Variants in FHIT observed in about 807,000 individuals in gnomAD.
FHIT encodes bis(5'-adenosyl)-triphosphatase.
FHIT carries 19 observed loss-of-function variants against 17.9 expected under a neutral mutation model. That is an observed-to-expected ratio of 1.06 (90% confidence interval 0.74 to 1.56). FHIT has a LOEUF of 1.56. FHIT is among the 40% of genes most tolerant of loss of function. The probability of loss-of-function intolerance (pLI) is 0.00; values close to 1 mark genes in which losing one functional copy is unlikely to be tolerated. For synonymous variants in FHIT, 81 were observed against 69.7 expected (o/e 1.16, Z -0.81); for missense variants, 248 against 189.2 (o/e 1.31, Z -1.82).
chr3:60,005,217 C>T (rs1387178559), intron 7 of FHIT, among the ~76,000 whole-genome samples: 6 of 152,136 alleles, frequency 3.9e-5, no homozygotes, highest in South Asian at 4.1e-4. Context: ...TAAATAAGAA[C>T]GTGAAAATAC....
chr3:61,016,430 T>C (rs2032110177), intron 3 of FHIT, among the ~76,000 whole-genome samples: 1 of 152,226 alleles, frequency 6.6e-6, no homozygotes, highest in African/African-American at 2.4e-5. Flanking sequence ...ATGCTGGTTT[T>C]AGGATAGGCC....
At chr3:60,722,030 G>A (rs972491897) in intron 4 of FHIT, among the ~76,000 whole-genome samples, 1 of 152,150 alleles carries the variant, frequency 6.6e-6, no homozygotes, top group East Asian at 1.9e-4. Flanking sequence ...TATGAAAAGA[G>A]AAGGAAGGAA....
chr3:60,757,234 T>A (rs909328653), intron 4 of FHIT, among the ~76,000 whole-genome samples: 1 of 152,214 alleles, frequency 6.6e-6, no homozygotes, highest in African/African-American at 2.4e-5. Context: ...TTGAAAATAA[T>A]GTTCCTTTAC....
chr3:59,759,254 G>A (rs1469017662), intron 8 of FHIT, among the ~76,000 whole-genome samples: 1 of 151,994 alleles, frequency 6.6e-6, no homozygotes, highest in African/African-American at 2.4e-5. Flanking sequence ...TGAGAAGTTT[G>A]GATTTTATTT....
intron 5 of FHIT, among the ~76,000 whole-genome samples, chr3:60,530,340 G>C (rs1239771240): frequency 6.6e-6 from 1 of 152,146 alleles, no homozygotes; most frequent in African/African-American, 2.4e-5. Flanking sequence ...TGTTTCGTGG[G>C]TATGTCACCT....
chr3:61,200,768 G>C (rs946223129), intron 1 of FHIT, 103 bp from the exon 2 acceptor site: 5 of 152,438 alleles, frequency 3.3e-5, no homozygotes, highest in Non-Finnish European at 7.4e-5. Context: ...ATGGTATATG[G>C]TGCTAGCCAA....
chr3:60,337,733 C>T (rs1256851558), intron 5 of FHIT, among the ~76,000 whole-genome samples: 1 of 152,128 alleles, frequency 6.6e-6, no homozygotes, highest in Non-Finnish European at 1.5e-5. Flanking sequence ...GACAGACACA[C>T]TAAAGGCTTC....
At chr3:60,660,725 TG>T (rs1451660862) in intron 4 of FHIT, among the ~76,000 whole-genome samples, 4 of 136,052 alleles carry the variant, frequency 2.9e-5, no homozygotes, top group Non-Finnish European at 6.2e-5. Context: ...TCTTTTATTG[TG>T]CTCTTTTTTT....
intron 3 of FHIT, among the ~76,000 whole-genome samples, chr3:60,979,268 C>T (rs1001623891): frequency 1.3e-5 from 2 of 152,152 alleles, no homozygotes; most frequent in African/African-American, 2.4e-5. Flanking sequence ...AGTGTCCCTT[C>T]ATTCCCATGT....
intron 3 of FHIT, among the ~76,000 whole-genome samples, chr3:60,988,681 A>G (rs2029884255): frequency 6.6e-6 from 1 of 152,152 alleles, no homozygotes; most frequent in East Asian, 1.9e-4. Flanking sequence ...GGGAACCTGG[A>G]GGCCTGTTCA....
At chr3:60,268,477 G>C (rs11708143) in intron 5 of FHIT, among the ~76,000 whole-genome samples, 1 of 152,140 alleles carries the variant, frequency 6.6e-6, no homozygotes, top group Admixed American at 6.5e-5. Context: ...AATTGGACTA[G>C]GCAACATGAC....
intron 5 of FHIT, among the ~76,000 whole-genome samples, chr3:60,472,149 T>A (rs2734389): frequency 0.49 from 74,193 of 150,652 alleles, 20,281 homozygotes; most frequent in African/African-American, 0.72. Context: ...CTCAGTCTAC[T>A]TTTTTGTTAA....
intron 5 of FHIT, among the ~76,000 whole-genome samples, chr3:60,035,683 A>G (rs2065326427): frequency 6.6e-6 from 1 of 152,192 alleles, no homozygotes; most frequent in African/African-American, 2.4e-5. Flanking sequence ...CCATTAGCCC[A>G]AAGTCCAGGC....
intron 5 of FHIT, among the ~76,000 whole-genome samples, chr3:60,033,668 T>C (rs1701094610): frequency 6.6e-6 from 1 of 152,148 alleles, no homozygotes; most frequent in African/African-American, 2.4e-5. Context: ...AGTGGATAAA[T>C]GAAGCAAGTG....
chr3:59,797,882 A>G (rs1699842622), intron 8 of FHIT, among the ~76,000 whole-genome samples: 1 of 152,214 alleles, frequency 6.6e-6, no homozygotes, highest in African/African-American at 2.4e-5. Flanking sequence ...TAGAATTAAA[A>G]CAAATGAAAA....
chr3:60,557,302 T>C lies in FHIT; in HGVS notation c.-17-20323A>G, dbSNP rs561599158. On this transcript the variant is annotated intron_variant, in intron 4 of 9. Coordinates refer to ENST00000492590, the MANE Select transcript of FHIT (RefSeq NM_002012.4). ...CCACCTCCAACAGTGCTAAGAAAGATCTTCTGCCCACATTGCATTATGTGC... is the reference window on the plus strand; with the variant it reads ...CCACCTCCAACAGTGCTAAGAAAGACCTTCTGCCCACATTGCATTATGTGC... 5.9e-5 allele frequency among the ~76,000 whole-genome samples: 9 copies of C among 152,204 alleles called. No homozygotes were observed. In the East Asian group the frequency reaches 1.7e-3, roughly 29 times the overall value.
chr3:59,833,942 C>T (rs1171571590), intron 8 of FHIT, among the ~76,000 whole-genome samples: 1 of 152,168 alleles, frequency 6.6e-6, no homozygotes, highest in Non-Finnish European at 1.5e-5. Context: ...CTTTGCCTTC[C>T]ACCATGACTA....
rs74767233 is a variant in FHIT, at chr3:60,744,277, A to C, written c.-18+77642T>G. 1.3e-4 allele frequency among the ~76,000 whole-genome samples: 19 copies of C among 147,094 alleles called. 1 individual carries two copies. The highest frequency in any genetic ancestry group is 4.7e-4 in the Admixed American group (7 of 14,914). On this transcript the variant is annotated intron_variant, in intron 4 of 9. Coordinates refer to ENST00000492590, the MANE Select transcript of FHIT (RefSeq NM_002012.4). ...AAAAAACAAAACAAAACAAAAAAAA[A>C]AAAAAACAGAAAGAAAAGAAAAGAA... is the stretch of plus-strand genomic sequence containing the variant.
chr3:60,623,739 T>C (rs560453590), intron 4 of FHIT, among the ~76,000 whole-genome samples: 241 of 152,290 alleles, frequency 1.6e-3, no homozygotes, highest in Middle Eastern at 6.8e-3. Context: ...AGTAAAACTA[T>C]GGGAAGAGCA....
Sources: gnomAD v4.1 joint callset for allele counts (sites outside exome capture counted in the v4.1 genomes callset) on GRCh38, gnomAD v4.1.1 for gene constraint, MANE v1.5 for transcripts, NCBI Gene and HGNC (gene_info 2026-07-23, HGNC 2026-07-21) for gene names.